ACTR3C: variants seen among roughly 807,000 people sequenced by gnomAD.
ACTR3C encodes the protein actin-related protein 3C.
Under a neutral mutation model 26.3 loss-of-function variants are expected in ACTR3C, and 18 were observed. That is an observed-to-expected ratio of 0.68 (90% CI 0.47 to 1.01). The LOEUF (loss-of-function observed/expected upper bound fraction) is 1.01, where lower values mean the gene tolerates loss of function less well. Among genes scored for constraint, ACTR3C ranks in the 50% least tolerant of loss-of-function variants. The pLI, the probability that ACTR3C is intolerant of heterozygous loss-of-function variation, is 0.00. For missense variants in ACTR3C, 184 were observed against 250.7 expected (o/e 0.73, Z 1.80); for synonymous variants, 55 against 94.5 (o/e 0.58, Z 2.42).
At chr7:150,230,522 C>T in the ACTR3C span, among the ~76,000 whole-genome samples, 1 of 152,024 alleles carries the variant, frequency 6.6e-6, no homozygotes, top group African/African-American at 2.4e-5. Context: ...CGCCTGAGCT[C>T]CCCCTCCCAT....
the ACTR3C span, among the ~76,000 whole-genome samples, chr7:149,933,832 C>T: frequency 0.43 from 65,596 of 151,452 alleles, 15,406 homozygotes; most frequent in Non-Finnish European, 0.52. Context: ...AAGTTCCATA[C>T]AACACTAGCA....
chr7:150,215,614 G>C, the ACTR3C span, among the ~76,000 whole-genome samples: 1 of 152,122 alleles, frequency 6.6e-6, no homozygotes, highest in Non-Finnish European at 1.5e-5. Flanking sequence ...TTTGGCTTTG[G>C]AGACAAAGGT....
chr7:150,143,669 ACGCGAGGCTG>A, the ACTR3C span, among the ~76,000 whole-genome samples: 1,397 of 152,208 alleles, frequency 9.2e-3, 6 homozygotes, highest in Non-Finnish European at 0.012. Flanking sequence ...TGGAAATTAA[ACGCGAGGCTG>A]CCGGGGACTG....
intron 1 of ACTR3C, among the ~76,000 whole-genome samples, chr7:150,304,538 G>A (rs1040188845): frequency 3.9e-5 from 6 of 152,036 alleles, no homozygotes; most frequent in African/African-American, 1.5e-4. Flanking sequence ...GCTGCTCCTC[G>A]GCTTCTTTAC....
the ACTR3C span, among the ~76,000 whole-genome samples, chr7:149,986,713 A>C: frequency 6.6e-6 from 1 of 152,134 alleles, no homozygotes; most frequent in African/African-American, 2.4e-5. Flanking sequence ...TTTCTCGCAC[A>C]AAACTCCCCA....
At chr7:150,152,466 A>G in the ACTR3C span, among the ~76,000 whole-genome samples, 1 of 152,196 alleles carries the variant, frequency 6.6e-6, no homozygotes, top group Non-Finnish European at 1.5e-5. Flanking sequence ...ATATTGAACC[A>G]GCCTTGCATC....
At chr7:149,923,723 C>A in the ACTR3C span, among the ~76,000 whole-genome samples, 1 of 152,146 alleles carries the variant, frequency 6.6e-6, no homozygotes, top group Non-Finnish European at 1.5e-5. Flanking sequence ...TGAGCCCAGG[C>A]ATGGTGGCTC....
At chr7:150,224,873 T>A in the ACTR3C span, among the ~76,000 whole-genome samples, 1 of 152,094 alleles carries the variant, frequency 6.6e-6, no homozygotes, top group Admixed American at 6.5e-5. Context: ...AAAGCATGGG[T>A]TTATGAATAT....
the ACTR3C span, among the ~76,000 whole-genome samples, chr7:150,017,457 C>T: frequency 7.0e-6 from 1 of 142,050 alleles, no homozygotes; most frequent in Non-Finnish European, 1.5e-5. Context: ...GTCCCAGAGA[C>T]CAACTGTGCC....
chr7:149,906,457 A>G, the ACTR3C span, among the ~76,000 whole-genome samples: 10 of 92,506 alleles, frequency 1.1e-4, no homozygotes, highest in African/African-American at 2.2e-4. Flanking sequence ...TTTTAGATGG[A>G]GCCTCACTCT....
the ACTR3C span, among the ~76,000 whole-genome samples, chr7:150,215,846 T>G: frequency 1.3e-5 from 2 of 152,136 alleles, no homozygotes; most frequent in African/African-American, 4.8e-5. Flanking sequence ...ATATTGATCC[T>G]AATTATCAAA....
At chr7:150,163,742 C>G in the ACTR3C span, among the ~76,000 whole-genome samples, 13 of 151,886 alleles carry the variant, frequency 8.6e-5, no homozygotes, top group Admixed American at 3.3e-4. Context: ...GAGAAGATGA[C>G]GTGGAGCATC....
At chr7:150,114,086 T>C in the ACTR3C span, among the ~76,000 whole-genome samples, 9 of 152,334 alleles carry the variant, frequency 5.9e-5, no homozygotes, top group South Asian at 1.9e-3. Context: ...TTACATGTAA[T>C]TTTTAGTATA....
At chr7:150,046,276 G>T in the ACTR3C span, among the ~76,000 whole-genome samples, 1 of 129,462 alleles carries the variant, frequency 7.7e-6, no homozygotes, top group Non-Finnish European at 1.6e-5. Flanking sequence ...AATAACAACA[G>T]CAAAACCTCA....
chr7:150,202,555 G>C, the ACTR3C span, among the ~76,000 whole-genome samples: 1,461 of 152,138 alleles, frequency 9.6e-3, 25 homozygotes, highest in African/African-American at 0.033. Flanking sequence ...AGTCACTCTT[G>C]TATCTTCACT....
chr7:150,221,933 T>G, the ACTR3C span, among the ~76,000 whole-genome samples: 1 of 145,338 alleles, frequency 6.9e-6, no homozygotes, highest in African/African-American at 2.6e-5. Context: ...GGGAGGCGGA[T>G]CTTGCAGTGA....
chr7:150,301,301 G>A (rs1217903955), intron 1 of ACTR3C, among the ~76,000 whole-genome samples: 3 of 152,190 alleles, frequency 2.0e-5, no homozygotes, highest in East Asian at 3.8e-4. Context: ...GAGTACAGCT[G>A]GGGAAGGTTT....
At chr7:150,020,772 C>T in the ACTR3C span, among the ~76,000 whole-genome samples, 2 of 152,026 alleles carry the variant, frequency 1.3e-5, no homozygotes, top group Admixed American at 1.3e-4. Flanking sequence ...CTGCTCTTCC[C>T]TTTTCCTATA....
chr7:150,070,740 G>A, the ACTR3C span, among the ~76,000 whole-genome samples: 3 of 143,144 alleles, frequency 2.1e-5, no homozygotes, highest in Admixed American at 6.9e-5. Flanking sequence ...CGTGAGCCAC[G>A]GTGCCTGGCC....
Sources: allele counts gnomAD v4.1 joint callset (sites outside exome capture counted in the v4.1 genomes callset), GRCh38; gene constraint gnomAD v4.1.1; transcripts MANE v1.5; gene names NCBI Gene and HGNC (gene_info 2026-07-23, HGNC 2026-07-21).